The following ERBB4 variants were observed in gnomAD, a reference collection of about 807,000 sequenced individuals.
ERBB4 encodes receptor tyrosine-protein kinase erbB-4.
A neutral mutation model predicts 158.0 loss-of-function variants in ERBB4; 42 were observed. The ratio of observed to expected loss-of-function variants is 0.27; its 90% CI spans 0.21 to 0.34. The LOEUF (loss-of-function observed/expected upper bound fraction) is 0.34, where lower values mean the gene tolerates loss of function less well. ERBB4 is among the 10% of genes least tolerant of loss of function. The pLI is 1.00. For missense variants in ERBB4, 1,333 were observed against 1,624.1 expected (o/e 0.82, Z 3.08); for synonymous variants, 583 against 558.7 (o/e 1.04, Z -0.61).
At position 211,788,286 on chromosome 2, in the gene ERBB4, A is replaced by G. The variant is rs184594927; in HGVS notation, c.422-127T>C. On this transcript the variant is annotated intron_variant, in intron 3 of 27. Transcript: ENST00000342788. ...TAGAGTCATGTTGCTAATAGCCAAG[A>G]TATCTTTTAAAATATCTTTCAATGA... is the stretch of plus-strand genomic sequence containing the variant. 71 of 685,694 alleles carry G rather than the reference A, an allele frequency of 1.0e-4. No homozygotes were observed. The East Asian group carries it at 1.5e-3, about 14-fold the overall frequency. The allele number at this position is 685,694 out of a possible 1,614,324, so 42.5% of individuals were successfully genotyped here. A position where few individuals can be genotyped will look rare whatever the true frequency, so the allele number is the denominator to read the frequency against.
chr2:211,482,455 C>T (rs2065107212), intron 20 of ERBB4, among the ~76,000 whole-genome samples: 1 of 152,062 alleles, frequency 6.6e-6, no homozygotes, highest in Non-Finnish European at 1.5e-5. Flanking sequence ...AAGTTACTTC[C>T]CAGGTAACTC....
In ERBB4 at chr2:211,657,772, G is replaced by A. The variant is rs779321314; in HGVS notation, c.1928C>T (p.Thr643Ile). ...CIYYPWTGHS[T>I]LPQHARTPLI... ...ATGTTACCTAGCATGTTGTGGTAAA[G>A]TGGAATGGCCCGTCCATGGGTAGTA... Residue 643 changes from threonine to isoleucine, a missense_variant, in exon 16 of 28, where the codon ACT (threonine) becomes ATT (isoleucine). Physicochemically the swap from Thr to Ile is moderately conservative, Grantham distance 89 (BLOSUM62 -1). Around this residue, in one of 5 missense-constraint regions of ERBB4, gnomAD observed 245 missense variants for 247.5 expected, o/e 0.99. Coordinates refer to ENST00000342788, the MANE Select transcript of ERBB4 (RefSeq NM_005235.3). The A allele has an allele frequency of 1.9e-5, 31 of 1,613,826 alleles. No homozygotes were observed. Among genetic ancestry groups the A allele is most frequent in the Non-Finnish European group, 2.5e-5 (29 of 1,179,730 alleles).
chr2:211,554,990 C>A (rs768691790), intron 20 of ERBB4, among the ~76,000 whole-genome samples: 1 of 152,080 alleles, frequency 6.6e-6, no homozygotes, highest in African/African-American at 2.4e-5. Flanking sequence ...TTAGCAACAA[C>A]GATAAAAGAC....
Position 211,649,201 on chromosome 2 carries a change from G to GA in ERBB4, c.1946+8552dup, listed in dbSNP as rs569050637. Among the ~76,000 whole-genome samples, 85 of 151,880 alleles carry GA rather than the reference G, an allele frequency of 5.6e-4. 1 individual carries two copies. The highest frequency in any genetic ancestry group is 4.7e-3 in the Admixed American group (72 of 15,234). On this transcript the variant is annotated intron_variant, in intron 16 of 27. Transcript: ENST00000342788. ...TAATAGCTAAAAATTAAAACTAAGAGAAAGACATTGAGCGATTTTTTTGTA... is the reference window on the plus strand; with the variant it reads ...TAATAGCTAAAAATTAAAACTAAGAGAAAAGACATTGAGCGATTTTTTTGTA...
At chr2:211,894,625 T>A (rs1461982627) in intron 3 of ERBB4, among the ~76,000 whole-genome samples, 1 of 152,196 alleles carries the variant, frequency 6.6e-6, no homozygotes, top group Non-Finnish European at 1.5e-5. Flanking sequence ...ATGCACAGTT[T>A]GAAAAAATAC....
At chr2:212,525,369 GA>G (rs1457183064) in intron 1 of ERBB4, among the ~76,000 whole-genome samples, 2 of 151,786 alleles carry the variant, frequency 1.3e-5, no homozygotes, top group Admixed American at 6.6e-5. Flanking sequence ...GAAGCTATCT[GA>G]AAAAAATTAA....
At chr2:211,427,154 A>AAGAT (rs1325424725) in intron 22 of ERBB4, among the ~76,000 whole-genome samples, 40 of 152,216 alleles carry the variant, frequency 2.6e-4, no homozygotes, top group African/African-American at 8.7e-4. Context: ...TACTTTTTTA[A>AAGAT]AGATAGTTAA....
chr2:212,124,815 C>G lies in ERBB4; in HGVS notation c.171G>C (p.Glu57Asp). The G allele has an allele frequency of 6.2e-7, 1 of 1,614,186 alleles. No individual in the cohort carries two copies. Among genetic ancestry groups the G allele is most frequent in the Non-Finnish European group, 8.5e-7 (1 of 1,180,008 alleles). The change falls in exon 2 of 28, where the codon GAG becomes GAC. Residue 57 changes from glutamate to aspartate, a missense_variant. Physicochemically the swap from Glu to Asp is conservative, Grantham distance 45. This residue lies in a region of ERBB4 where 438 missense variants were observed against 586.9 expected (regional missense o/e 0.75). Coordinates refer to ENST00000342788, the MANE Select transcript of ERBB4 (RefSeq NM_005235.3). ...RALRKYYENC[E>D]VVMGNLEITS... ...TTATCTCCAGGTTGCCCATGACAAC[C>G]TCACAGTTTTCATAGTACTTGCGCA...
rs184426185 is a variant in ERBB4 at position 212,272,868 on chromosome 2, G to A, written c.83-147965C>T. On this transcript the variant is annotated intron_variant, in intron 1 of 27. Coordinates refer to ENST00000342788, the MANE Select transcript of ERBB4 (RefSeq NM_005235.3). ...TCATTATTTATATTGAATATATTAC[G>A]TATTTGAACACAGTTTTACTTTAAA... 4.6e-5 allele frequency among the ~76,000 whole-genome samples: 7 copies of A among 151,420 alleles called. No individual in the cohort carries two copies. The East Asian group carries it at 9.7e-4, about 21-fold the overall frequency.
At chr2:211,474,045 C>T (rs1221757437) in intron 20 of ERBB4, among the ~76,000 whole-genome samples, 1 of 151,768 alleles carries the variant, frequency 6.6e-6, no homozygotes, top group Non-Finnish European at 1.5e-5. Flanking sequence ...CTGGCTTTCT[C>T]TTGTATATAA....
intron 1 of ERBB4, among the ~76,000 whole-genome samples, chr2:212,465,087 A>G (rs1212006723): frequency 6.6e-6 from 1 of 152,202 alleles, no homozygotes; most frequent in African/African-American, 2.4e-5. Context: ...TGAAGCGGAC[A>G]GAATTACAAT....
chr2:212,012,649 G>A (rs1036084992), intron 2 of ERBB4, among the ~76,000 whole-genome samples: 4 of 152,068 alleles, frequency 2.6e-5, no homozygotes, highest in Non-Finnish European at 5.9e-5. Flanking sequence ...TCCTGACCCT[G>A]TGATCCACCC....
intron 2 of ERBB4, among the ~76,000 whole-genome samples, chr2:212,031,631 C>T (rs559570682): frequency 5.3e-5 from 8 of 152,164 alleles, no homozygotes; most frequent in Non-Finnish European, 5.9e-5. Flanking sequence ...ATGATGTGGA[C>T]GATTTCATTT....
rs989936679 is a variant in ERBB4 at position 211,826,431 on chromosome 2, A to G, written c.422-38272T>C. Among the ~76,000 whole-genome samples, 4 of 151,952 alleles carry G rather than the reference A, an allele frequency of 2.6e-5. No individual in the cohort carries two copies. In the Middle Eastern group the frequency reaches 0.014, roughly 517 times the overall value. On this transcript the variant is annotated intron_variant, in intron 3 of 27. Coordinates refer to ENST00000342788, the MANE Select transcript of ERBB4 (RefSeq NM_005235.3). ...TTATGAATCATAAAAATATATTTCA[A>G]TGCAGGTCCCTATTGTGTTTCCATC...
chr2:211,721,790 CTAAT>C (rs1032684582), intron 7 of ERBB4, among the ~76,000 whole-genome samples: 40 of 152,108 alleles, frequency 2.6e-4, no homozygotes, highest in African/African-American at 9.4e-4. Context: ...TGCCACTTAA[CTAAT>C]TACTTTTTTG....
intron 20 of ERBB4, among the ~76,000 whole-genome samples, chr2:211,539,493 T>G (rs1430894085): frequency 2.0e-5 from 3 of 152,050 alleles, no homozygotes; most frequent in Non-Finnish European, 4.4e-5. Context: ...TTCAAAATAA[T>G]GTTTGTTAAC....
chr2:212,257,708 C>A (rs1159596680), intron 1 of ERBB4, among the ~76,000 whole-genome samples: 1 of 152,100 alleles, frequency 6.6e-6, no homozygotes, highest in East Asian at 1.9e-4. Context: ...ACATAAAATT[C>A]AACTCTCTTA....
At chr2:211,839,339 A>G (rs535175624) in intron 3 of ERBB4, among the ~76,000 whole-genome samples, 1 of 149,918 alleles carries the variant, frequency 6.7e-6, no homozygotes, top group East Asian at 2.0e-4. Flanking sequence ...GTAGCTCTTC[A>G]TGGAGAATAG....
intron 2 of ERBB4, among the ~76,000 whole-genome samples, chr2:212,022,453 G>A (rs1314698278): frequency 6.6e-6 from 1 of 152,096 alleles, no homozygotes; most frequent in African/African-American, 2.4e-5. Context: ...AATACCACAT[G>A]TTCTCACTTA....
Sources: gnomAD v4.1 joint callset for allele counts (sites outside exome capture counted in the v4.1 genomes callset) on GRCh38, gnomAD v4.1.1 for gene constraint, gnomAD v4.1.1 regional missense constraint, MANE v1.5 for transcripts, NCBI Gene and HGNC (gene_info 2026-07-23, HGNC 2026-07-21) for gene names.